TBC1D31: variants seen among roughly 807,000 people sequenced by gnomAD.
TBC1D31 encodes TBC1 domain family member 31.
In TBC1D31, 99 loss-of-function variants were observed where a neutral mutation model predicts 132.9. The observed-to-expected ratio is 0.74, with a 90% confidence interval of 0.63 to 0.88. The LOEUF (loss-of-function observed/expected upper bound fraction) is 0.88, where lower values mean the gene tolerates loss of function less well. Ranked by LOEUF, TBC1D31 falls within the 40% of genes least tolerant of loss-of-function variation. The pLI is 0.00. For synonymous variants in TBC1D31, 385 were observed against 419.4 expected (o/e 0.92, Z 1.00); for missense variants, 1,134 against 1,256.6 (o/e 0.90, Z 1.48).
chr8:123,125,182 A>G (rs1269966739), intron 11 of TBC1D31, among the ~76,000 whole-genome samples: 1 of 152,180 alleles, frequency 6.6e-6, no homozygotes, highest in Non-Finnish European at 1.5e-5. Context: ...TGAATCTACA[A>G]CTCAATATTT....
At chr8:123,133,986 T>C (rs1368591253) in intron 16 of TBC1D31, 128 bp from the exon 17 acceptor site, 1 of 579,596 alleles carries the variant, frequency 1.7e-6, no homozygotes, top group African/African-American at 1.9e-5. Context: ...GTTACTCTGG[T>C]TTCAAAAACC....
At chr8:123,150,015 A>G in intron 20 of TBC1D31, 21 bp from the exon 21 acceptor site, 1 of 1,588,614 alleles carries the variant, frequency 6.3e-7, no homozygotes, top group Non-Finnish European at 8.6e-7. Context: ...CATCATCTTA[A>G]TCTCCTCACT....
chr8:123,162,515 G>A, the TBC1D31 span, among the ~76,000 whole-genome samples: 2 of 152,048 alleles, frequency 1.3e-5, no homozygotes, highest in African/African-American at 4.8e-5. Flanking sequence ...GCTAAAGGAG[G>A]GAGCCATGTG....
At chr8:123,113,683 G>A (rs2130602700) in intron 10 of TBC1D31, among the ~76,000 whole-genome samples, 1 of 152,260 alleles carries the variant, frequency 6.6e-6, no homozygotes, top group Non-Finnish European at 1.5e-5. Context: ...AGTTACCATT[G>A]TAACTAATTC....
At chr8:123,119,190 G>A (rs1006144527) in intron 10 of TBC1D31, among the ~76,000 whole-genome samples, 5 of 152,108 alleles carry the variant, frequency 3.3e-5, no homozygotes, top group Admixed American at 6.5e-5. Context: ...CCCTTTACGC[G>A]AGTCATAGGA....
At chr8:123,094,635 C>G (rs1244046456) in intron 5 of TBC1D31, among the ~76,000 whole-genome samples, 2 of 151,742 alleles carry the variant, frequency 1.3e-5, no homozygotes, top group Non-Finnish European at 2.9e-5. Context: ...CACCTCCCAG[C>G]TTCAAGCAAT....
chr8:123,129,140 A>G lies in TBC1D31; in HGVS notation c.2192A>G (p.Glu731Gly). The G allele has an allele frequency of 6.2e-7, 1 of 1,609,564 alleles. No homozygotes were observed. The highest frequency in any genetic ancestry group is 8.5e-7 in the Non-Finnish European group (1 of 1,176,868). The change falls in exon 15 of 22, where the codon GAG (glutamate) becomes GGG (glycine). Residue 731 changes from glutamate to glycine, a missense_variant. Transcript: ENST00000287380. ...GATGAAGCTTGGTACCAGAAACAGG[A>G]GCTGCTTCGTAAAGCTGAAGAAACA... is the stretch of plus-strand genomic sequence containing the variant. ...VEDEAWYQKQ[E>G]LLRKAEETRR... is the part of the protein sequence containing the mutation.
At chr8:123,090,829 G>A (rs1367157910) in intron 4 of TBC1D31, among the ~76,000 whole-genome samples, 1 of 152,096 alleles carries the variant, frequency 6.6e-6, no homozygotes, top group Non-Finnish European at 1.5e-5. Flanking sequence ...GGCACATGCT[G>A]TAGTCCCAGC....
intron 18 of TBC1D31, among the ~76,000 whole-genome samples, chr8:123,141,844 CT>C (rs1160750679): frequency 3.2e-3 from 169 of 52,032 alleles, no homozygotes; most frequent in African/African-American, 0.013. Context: ...TTGAAGAGCT[CT>C]TTTTTTTTTT....
At chr8:123,084,543 G>A (rs1450454662) in intron 4 of TBC1D31, among the ~76,000 whole-genome samples, 1 of 152,186 alleles carries the variant, frequency 6.6e-6, no homozygotes, top group Non-Finnish European at 1.5e-5. Flanking sequence ...TAAAATTATA[G>A]CTATGTAACT....
chr8:123,078,700 GAC>G (rs1242867897), intron 2 of TBC1D31, among the ~76,000 whole-genome samples: 1 of 152,200 alleles, frequency 6.6e-6, no homozygotes, highest in East Asian at 1.9e-4. Context: ...GTGTCAAAAA[GAC>G]ACAGTTGCCA....
At chr8:123,121,674 G>GC (rs2130721197) in intron 11 of TBC1D31, among the ~76,000 whole-genome samples, 1 of 152,296 alleles carries the variant, frequency 6.6e-6, no homozygotes, top group South Asian at 2.1e-4. Flanking sequence ...TGAAGCAGGT[G>GC]CTGGAGCCCT....
chr8:123,157,055 T>C (rs568497509), downstream of TBC1D31, among the ~76,000 whole-genome samples: 1 of 152,226 alleles, frequency 6.6e-6, no homozygotes, highest in Admixed American at 6.5e-5. Flanking sequence ...TGCTCTTTCC[T>C]GGACACTCGG....
rs1477864953 is a variant in TBC1D31, at chr8:123,142,425, T to C, written c.2804T>C (p.Ile935Thr). The C allele has an allele frequency of 6.3e-7, 1 of 1,595,436 alleles. No homozygotes were observed. The highest frequency in any genetic ancestry group is 2.3e-5 in the East Asian group (1 of 43,934). The change falls in exon 19 of 22, where the codon ATA (isoleucine) becomes ACA (threonine). Residue 935 changes from isoleucine (I) to threonine (T), a missense_variant. Coordinates refer to ENST00000287380, the MANE Select transcript of TBC1D31 (RefSeq NM_145647.4). ...AACAGAAGGAAAGAAATAGAGATAA[T>C]AAATGCAATGGTGGAGGAGGAAGCC... ...RENRRKEIEI[I>T]NAMVEEEAKK...
At chr8:123,108,308 C>T (rs1818132655) in intron 8 of TBC1D31, among the ~76,000 whole-genome samples, 1 of 152,088 alleles carries the variant, frequency 6.6e-6, no homozygotes, top group South Asian at 2.1e-4. Flanking sequence ...ATAATATATG[C>T]AAACAGCTTT....
At chr8:123,101,734 T>TGTG (rs1311073244) in intron 7 of TBC1D31, among the ~76,000 whole-genome samples, 5 of 152,100 alleles carry the variant, frequency 3.3e-5, no homozygotes, top group Non-Finnish European at 5.9e-5. Context: ...ATTTGAAATA[T>TGTG]CTGTAAATGT....
chr8:123,120,971 T>G (rs1421053399), intron 11 of TBC1D31, among the ~76,000 whole-genome samples: 1 of 150,966 alleles, frequency 6.6e-6, no homozygotes. Flanking sequence ...CTCTTTTTTT[T>G]TTTTTTTTGA....
chr8:123,131,751 A>G (rs373522772), intron 16 of TBC1D31, among the ~76,000 whole-genome samples: 13 of 141,620 alleles, frequency 9.2e-5, no homozygotes, highest in East Asian at 4.0e-4. Flanking sequence ...TCTAAAAATG[A>G]AACAGTTTCA....
chr8:123,142,600 C>G, intron 19 of TBC1D31, 144 bp downstream of exon 19: 2 of 595,860 alleles, frequency 3.4e-6, no homozygotes, highest in Non-Finnish European at 5.4e-6. Flanking sequence ...TCCCAAAGTG[C>G]TGGGATTACA....
Sources: allele counts gnomAD v4.1 joint callset (sites outside exome capture counted in the v4.1 genomes callset), GRCh38; gene constraint gnomAD v4.1.1; transcripts MANE v1.5; gene names NCBI Gene and HGNC (gene_info 2026-07-23, HGNC 2026-07-21).